LAMA1: variants seen among roughly 807,000 people sequenced by gnomAD.
LAMA1 encodes laminin subunit alpha 1.
A neutral mutation model predicts 348.7 loss-of-function variants in LAMA1; 219 were observed. That is an observed-to-expected ratio of 0.63 (90% CI 0.56 to 0.70). LAMA1 has a LOEUF of 0.70. LAMA1 is among the 30% of genes least tolerant of loss of function. LAMA1 has a pLI of 0.00. For missense variants in LAMA1, 3,744 were observed against 3,888.0 expected, an observed-to-expected ratio of 0.96 and a Z score of 0.99; for synonymous variants, 1,487 against 1,491.0, an observed-to-expected ratio of 1.00 and a Z score of 0.06.
chr18:6,985,673 T>G (rs577697971), intron 37 of LAMA1, 30 bp from the exon 38 acceptor site: 1 of 1,471,768 alleles, frequency 6.8e-7, no homozygotes, highest in South Asian at 1.1e-5. Flanking sequence ...TTAAGGGTGC[T>G]TCATAAAAGC....
At chr18:6,998,492 T>C (rs2144088318) in intron 32 of LAMA1, among the ~76,000 whole-genome samples, 1 of 152,274 alleles carries the variant, frequency 6.6e-6, no homozygotes. Flanking sequence ...TTCCACAGCC[T>C]GCTCTGTCAC....
At position 7,057,794 on chromosome 18, in the gene LAMA1, CTTTCTTTTTT is replaced by C. The variant is rs147368974; in HGVS notation, c.346-6868_346-6859del. Among the ~76,000 whole-genome samples the C allele has an allele frequency of 0.014, 1,989 of 141,352 alleles. 108 individuals are homozygous for C. In the East Asian group the frequency reaches 0.2, roughly 14 times the overall value. 92.7% of individuals were successfully genotyped at this position (141,352 alleles called of 152,430 possible). ...GCATCCAGCCCAAAATTCTTTCTTTCTTTCTTTTTTTTTTTTTTGAGATAGAGTCTCACTC... is the reference window on the plus strand; with the variant it reads ...GCATCCAGCCCAAAATTCTTTCTTTCTTTTTTTTGAGATAGAGTCTCACTC... On this transcript the variant is annotated intron_variant, in intron 3 of 62. Coordinates refer to ENST00000389658, the MANE Select transcript of LAMA1 (RefSeq NM_005559.4).
chr18:6,990,140 T>C (rs1055707633), intron 36 of LAMA1, among the ~76,000 whole-genome samples: 2 of 152,200 alleles, frequency 1.3e-5, no homozygotes, highest in Non-Finnish European at 2.9e-5. Context: ...AGATGAAAAT[T>C]TGACCTCTAT....
chr18:7,012,170 G>A (rs1357817032), intron 23 of LAMA1, 32 bp from the exon 24 acceptor site: 9 of 1,610,672 alleles, frequency 5.6e-6, no homozygotes, highest in South Asian at 4.4e-5. Flanking sequence ...ACTCGTTTTT[G>A]CCTAAAAAAG....
intron 1 of LAMA1, among the ~76,000 whole-genome samples, chr18:7,107,642 TGCATGA>T (rs1428599111): frequency 1.3e-5 from 2 of 152,006 alleles, no homozygotes; most frequent in Non-Finnish European, 2.9e-5. Context: ...AATGATCAAG[TGCATGA>T]AAAAAAATTT....
At chr18:7,092,224 A>G (rs1206326606) in intron 1 of LAMA1, among the ~76,000 whole-genome samples, 1 of 152,148 alleles carries the variant, frequency 6.6e-6, no homozygotes, top group Non-Finnish European at 1.5e-5. Flanking sequence ...TCTCTTTTTC[A>G]AAAGGCTATT....
intron 15 of LAMA1, 94 bp from the exon 16 acceptor site, chr18:7,032,270 T>C (rs2057973625): frequency 2.6e-6 from 2 of 779,464 alleles, no homozygotes; most frequent in Admixed American, 4.0e-5. Flanking sequence ...TTCTTAAACA[T>C]CTTAACTGAG....
chr18:6,944,078 C>T (rs910697170), intron 61 of LAMA1, among the ~76,000 whole-genome samples: 3 of 152,106 alleles, frequency 2.0e-5, no homozygotes, highest in South Asian at 2.1e-4. Context: ...TGCAGTGGCG[C>T]GGTCTTGGCT....
intron 6 of LAMA1, 52 bp downstream of exon 6, chr18:7,046,226 G>C: frequency 8.8e-7 from 1 of 1,140,346 alleles, no homozygotes; most frequent in South Asian, 1.3e-5. Flanking sequence ...AAATATTATA[G>C]CTACAATTTC....
At chr18:7,100,706 T>A (rs566919562) in intron 1 of LAMA1, among the ~76,000 whole-genome samples, 1 of 152,024 alleles carries the variant, frequency 6.6e-6, no homozygotes, top group Non-Finnish European at 1.5e-5. Flanking sequence ...CCGAGAGAAG[T>A]AGACACAAAA....
intron 1 of LAMA1, among the ~76,000 whole-genome samples, chr18:7,087,241 T>G (rs140015891): frequency 2.0e-5 from 3 of 152,212 alleles, no homozygotes; most frequent in African/African-American, 7.2e-5. Flanking sequence ...TCATCAAGTC[T>G]TTAAATCTAT....
intron 61 of LAMA1, 23 bp downstream of exon 61, chr18:6,947,140 C>G: frequency 6.2e-7 from 1 of 1,614,062 alleles, no homozygotes; most frequent in Non-Finnish European, 8.5e-7. Context: ...GGAGGAAGAC[C>G]CTCATGGAGA....
intron 17 of LAMA1, 47 bp from the exon 18 acceptor site, chr18:7,024,513 G>A (rs377108248): frequency 1.1e-5 from 16 of 1,426,778 alleles, no homozygotes; most frequent in Non-Finnish European, 1.5e-5. Context: ...GGATGAAGCC[G>A]AATTTCTAAC....
At chr18:7,077,652 T>C (rs1424767135) in intron 3 of LAMA1, among the ~76,000 whole-genome samples, 1 of 152,134 alleles carries the variant, frequency 6.6e-6, no homozygotes, top group Non-Finnish European at 1.5e-5. Context: ...AGGTTTGAAA[T>C]CTATATGTAA....
At chr18:7,109,287 AC>A in intron 1 of LAMA1, among the ~76,000 whole-genome samples, 1 of 152,192 alleles carries the variant, frequency 6.6e-6, no homozygotes, top group South Asian at 2.1e-4. Flanking sequence ...GCTACTAATG[AC>A]CCAGGTTTTA....
chr18:6,951,740 G>A (rs559938056), intron 57 of LAMA1, among the ~76,000 whole-genome samples: 3 of 152,280 alleles, frequency 2.0e-5, no homozygotes, highest in East Asian at 3.9e-4. Flanking sequence ...CCAGGGTGGC[G>A]GTGGGGACTC....
At chr18:7,038,325 C>A (rs2058004620) in intron 11 of LAMA1, among the ~76,000 whole-genome samples, 1 of 152,146 alleles carries the variant, frequency 6.6e-6, no homozygotes, top group South Asian at 2.1e-4. Flanking sequence ...CCTGTTGAAC[C>A]CATCACCCCA....
chr18:7,055,757 G>A (rs1353942909), intron 3 of LAMA1, among the ~76,000 whole-genome samples: 3 of 152,014 alleles, frequency 2.0e-5, no homozygotes, highest in Non-Finnish European at 4.4e-5. Flanking sequence ...CTTTCCTTTC[G>A]AAGACAATGG....
At chr18:7,081,799 G>A (rs1033645063) in intron 1 of LAMA1, among the ~76,000 whole-genome samples, 2 of 152,082 alleles carry the variant, frequency 1.3e-5, no homozygotes, top group Non-Finnish European at 2.9e-5. Context: ...GCTTAGTGGC[G>A]TTTCTCTAAC....
Sources: allele counts gnomAD v4.1 joint callset (sites outside exome capture counted in the v4.1 genomes callset), GRCh38; gene constraint gnomAD v4.1.1; transcripts MANE v1.5; gene names NCBI Gene and HGNC (gene_info 2026-07-23, HGNC 2026-07-21).